Variants in LRFN5 observed in about 807,000 individuals in gnomAD.
LRFN5 encodes leucine rich repeat and fibronectin type III domain containing 5, also known as leucine-rich repeat and fibronectin type-III domain-containing protein 5.
In LRFN5, 24 loss-of-function variants were observed where a neutral mutation model predicts 45.6. That is an observed-to-expected ratio of 0.53 (90% CI 0.38 to 0.74). LRFN5 has a LOEUF of 0.74. Among genes scored for constraint, LRFN5 ranks in the 30% least tolerant of loss-of-function variants. LRFN5 has a pLI of 0.00. For synonymous variants in LRFN5, 340 were observed against 313.8 expected, an observed-to-expected ratio of 1.08 and a Z score of -0.88; for missense variants, 776 against 861.5, an observed-to-expected ratio of 0.90 and a Z score of 1.24.
chr14:41,669,156 A>T (rs1455647832), intron 1 of LRFN5, among the ~76,000 whole-genome samples: 1 of 152,084 alleles, frequency 6.6e-6, no homozygotes, highest in African/African-American at 2.4e-5. Context: ...AACCAATGTG[A>T]AGAGGTAAAA....
rs576958121 is a variant in LRFN5 at position 41,638,986 on chromosome 14, G to T, written c.-197+30424G>T. 2.0e-5 allele frequency among the ~76,000 whole-genome samples: 3 copies of T among 152,046 alleles called. No individual in the cohort carries two copies. In the South Asian group the frequency reaches 6.2e-4, roughly 32 times the overall value. ...CTTATTTAATCCTTACAAAAATGCT[G>T]TGAGGTAGAAAAGGTTGGTGTCATT... On this transcript the variant is annotated intron_variant, in intron 1 of 5. Coordinates refer to ENST00000298119, the MANE Select transcript of LRFN5 (RefSeq NM_152447.5).
Position 41,891,560 on chromosome 14 carries a change from G to C in LRFN5, c.1696G>C (p.Val566Leu). 1 of 1,614,190 alleles carries C rather than the reference G, an allele frequency of 6.2e-7. No homozygotes were observed. Among genetic ancestry groups the C allele is most frequent in the Non-Finnish European group, 8.5e-7 (1 of 1,180,044 alleles). The change falls in exon 4 of 6, where the codon GTT (valine) becomes CTT (leucine). Residue 566 changes from valine (V) to leucine (L), a missense_variant. Coordinates refer to ENST00000298119, the MANE Select transcript of LRFN5 (RefSeq NM_152447.5). Reference protein sequence around the residue: ...NNNGQHKVTKVSNVYSQTNGA... With the variant: ...NNNGQHKVTKLSNVYSQTNGA... ...TAATGGGCAACACAAGGTCACCAAGGTTAGCAATGTTTATTCCCAAACTAA... is the reference window on the plus strand; with the variant it reads ...TAATGGGCAACACAAGGTCACCAAGCTTAGCAATGTTTATTCCCAAACTAA...
chr14:41,608,166 C>G lies in LRFN5; in HGVS notation c.-593C>G, dbSNP rs141251236. ...AATCGTGAGAAGGACCGGTTCCCTCCGTGCTGCTTCCTCCCCGTGCAGTGC... is the reference window on the plus strand; with the variant it reads ...AATCGTGAGAAGGACCGGTTCCCTCGGTGCTGCTTCCTCCCCGTGCAGTGC... On this transcript the variant is annotated 5_prime_UTR_variant, in exon 1 of 6. Coordinates refer to ENST00000298119, the MANE Select transcript of LRFN5 (RefSeq NM_152447.5). The G allele has an allele frequency of 3.4e-3, 515 of 152,880 alleles. 3 individuals are homozygous for G. The highest frequency in any genetic ancestry group is 6.7e-3 in the Middle Eastern group (2 of 300). The allele number at this position is 152,880 out of a possible 1,614,324, so 9.5% of individuals were successfully genotyped here. A position where few individuals can be genotyped will look rare whatever the true frequency, so the allele number is the denominator to read the frequency against.
chr14:41,689,416 G>A (rs887269269), intron 1 of LRFN5, among the ~76,000 whole-genome samples: 4 of 151,958 alleles, frequency 2.6e-5, no homozygotes, highest in Non-Finnish European at 5.9e-5. Flanking sequence ...AAACAAAAGA[G>A]AGAAAATCAC....
Position 41,688,667 on chromosome 14 carries a change from G to GA in LRFN5, c.-196-78179dup, listed in dbSNP as rs549045534. Among the ~76,000 whole-genome samples, 52 of 148,472 alleles carry GA rather than the reference G, an allele frequency of 3.5e-4. 1 individual carries two copies. The highest frequency in any genetic ancestry group is 8.0e-4 in the African/African-American group (32 of 39,836). On this transcript the variant is annotated intron_variant, in intron 1 of 5. Coordinates refer to ENST00000298119, the MANE Select transcript of LRFN5 (RefSeq NM_152447.5). Reference sequence around the variant, plus strand: ...TTAGGATATAATTCGAGATCAATGGGAAAAAAAACAAAACAAAACAAAACA... The same window carrying GA: ...TTAGGATATAATTCGAGATCAATGGGAAAAAAAAACAAAACAAAACAAAACA...
At chr14:41,823,779 T>G (rs1041722720) in intron 2 of LRFN5, among the ~76,000 whole-genome samples, 9 of 152,182 alleles carry the variant, frequency 5.9e-5, no homozygotes, top group African/African-American at 2.2e-4. Flanking sequence ...GACATTTTAC[T>G]TTTTCTTCTT....
chr14:41,782,908 A>G (rs766043108), intron 2 of LRFN5, among the ~76,000 whole-genome samples: 18 of 150,228 alleles, frequency 1.2e-4, no homozygotes, highest in Non-Finnish European at 2.2e-4. Flanking sequence ...TTATGACTGA[A>G]TATTATCTTT....
Position 41,891,586 on chromosome 14 carries a change from C to T in LRFN5, c.1722C>T (p.Asn574=), listed in dbSNP as rs1367645439. The change falls in exon 4 of 6, where the codon AAC becomes AAT. Residue 574 remains asparagine, a synonymous_variant. Transcript: ENST00000298119. ...TKVSNVYSQT[N]GAQIQGCSVT... Reference sequence around the variant, plus strand: ...TTAGCAATGTTTATTCCCAAACTAACGGGGCTCAAATACAAGGCTGTAGTG... The same window carrying T: ...TTAGCAATGTTTATTCCCAAACTAATGGGGCTCAAATACAAGGCTGTAGTG... 2 of 1,614,042 alleles carry T rather than the reference C, an allele frequency of 1.2e-6. No homozygotes were observed. Among genetic ancestry groups the T allele is most frequent in the African/African-American group, 1.3e-5 (1 of 74,910 alleles).
chr14:41,719,903 T>C (rs1043319919), intron 1 of LRFN5, among the ~76,000 whole-genome samples: 3 of 152,054 alleles, frequency 2.0e-5, no homozygotes, highest in South Asian at 4.1e-4. Flanking sequence ...TCCTCATATA[T>C]GTATATCTGA....
chr14:41,757,981 A>G (rs1298454430), intron 1 of LRFN5, among the ~76,000 whole-genome samples: 1 of 152,192 alleles, frequency 6.6e-6, no homozygotes, highest in Non-Finnish European at 1.5e-5. Context: ...GGCTCATACT[A>G]ATATGGGACT....
intron 1 of LRFN5, among the ~76,000 whole-genome samples, chr14:41,699,172 G>A (rs1160245531): frequency 6.6e-6 from 1 of 151,986 alleles, no homozygotes; most frequent in Non-Finnish European, 1.5e-5. Flanking sequence ...ATCGCCTGGA[G>A]ATTTTTATTA....
chr14:41,770,985 C>A (rs1017495896), intron 2 of LRFN5, among the ~76,000 whole-genome samples: 1 of 152,070 alleles, frequency 6.6e-6, no homozygotes, highest in Middle Eastern at 3.4e-3. Context: ...AGCCACCAAG[C>A]CCCCTTCACG....
chr14:41,676,762 C>G (rs891963879), intron 1 of LRFN5, among the ~76,000 whole-genome samples: 3 of 152,128 alleles, frequency 2.0e-5, no homozygotes, highest in Non-Finnish European at 4.4e-5. Flanking sequence ...AACCACTGAT[C>G]ATGCATTATT....
At chr14:41,635,828 T>C (rs1879281263) in intron 1 of LRFN5, among the ~76,000 whole-genome samples, 2 of 152,186 alleles carry the variant, frequency 1.3e-5, no homozygotes. Context: ...TGCTCCTATG[T>C]AGGCATAACT....
rs550884346 is a variant in LRFN5 at position 41,653,703 on chromosome 14, C to G, written c.-197+45141C>G. Among the ~76,000 whole-genome samples, 10 of 152,116 alleles carry G rather than the reference C, an allele frequency of 6.6e-5. No homozygotes were observed. The East Asian group carries it at 1.9e-3, about 29-fold the overall frequency. On this transcript the variant is annotated intron_variant, in intron 1 of 5. Transcript: ENST00000298119. ...CTGCATAAATACTTAAGAAACATCACTATTGCATAGAAGGGAGGCAGGATG... is the reference window on the plus strand; with the variant it reads ...CTGCATAAATACTTAAGAAACATCAGTATTGCATAGAAGGGAGGCAGGATG...
chr14:41,886,506 TTC>T, intron 2 of LRFN5, 98 bp from the exon 3 acceptor site: 1 of 794,416 alleles, frequency 1.3e-6, no homozygotes, highest in Non-Finnish European at 1.9e-6. Context: ...GTGAAATTAT[TTC>T]TCTATTCTAG....
intron 2 of LRFN5, among the ~76,000 whole-genome samples, chr14:41,865,396 A>G (rs1023258730): frequency 1.3e-5 from 2 of 152,192 alleles, no homozygotes; most frequent in African/African-American, 4.8e-5. Flanking sequence ...TGCGTATATC[A>G]GTACTGCATT....
chr14:41,795,492 G>A (rs542643848), intron 2 of LRFN5, among the ~76,000 whole-genome samples: 5 of 152,166 alleles, frequency 3.3e-5, no homozygotes, highest in Admixed American at 6.6e-5. Flanking sequence ...GTTTATTGTG[G>A]CACTATTACA....
At chr14:41,691,898 T>C (rs568953790) in intron 1 of LRFN5, among the ~76,000 whole-genome samples, 1 of 152,256 alleles carries the variant, frequency 6.6e-6, no homozygotes, top group African/African-American at 2.4e-5. Context: ...TTAGTGTATA[T>C]ATCAGTATTT....
Sources: gnomAD v4.1 joint callset for allele counts (sites outside exome capture counted in the v4.1 genomes callset) on GRCh38, gnomAD v4.1.1 for gene constraint, MANE v1.5 for transcripts, NCBI Gene and HGNC (gene_info 2026-07-23, HGNC 2026-07-21) for gene names.